Variants in UTRN observed in about 807,000 individuals in gnomAD.
UTRN encodes dystrophin-related protein 1.
UTRN carries 283 observed loss-of-function variants against 463.9 expected under a neutral mutation model. The observed-to-expected ratio is 0.61, with a 90% CI of 0.55 to 0.67. The LOEUF (loss-of-function observed/expected upper bound fraction) is 0.67. Ranked by LOEUF, UTRN falls within the 30% of genes least tolerant of loss-of-function variation. The pLI is 0.00. For synonymous variants in UTRN, 1,442 were observed against 1,431.5 expected (o/e 1.01, Z -0.17); for missense variants, 3,922 against 4,084.3 (o/e 0.96, Z 1.08).
chr6:144,522,607 G>A (rs553827560), intron 40 of UTRN, among the ~76,000 whole-genome samples: 1 of 152,192 alleles, frequency 6.6e-6, no homozygotes, highest in East Asian at 1.9e-4. Context: ...TAACTTGATT[G>A]CATTTATATG....
intron 58 of UTRN, among the ~76,000 whole-genome samples, chr6:144,770,729 A>G (rs1483357656): frequency 3.3e-5 from 5 of 152,250 alleles, no homozygotes; most frequent in Non-Finnish European, 7.3e-5. Flanking sequence ...GAGAAAGTAT[A>G]AAACTTGCTT....
At chr6:144,505,293 C>T (rs1367398559) in intron 34 of UTRN, among the ~76,000 whole-genome samples, 1 of 152,092 alleles carries the variant, frequency 6.6e-6, no homozygotes, top group Non-Finnish European at 1.5e-5. Flanking sequence ...TTATTTCTGT[C>T]TTCTGCTAGC....
intron 51 of UTRN, among the ~76,000 whole-genome samples, chr6:144,579,308 C>CTCTAAGTGTGGA (rs1336357511): frequency 2.6e-5 from 4 of 152,064 alleles, no homozygotes; most frequent in Non-Finnish European, 4.4e-5. Context: ...TGGATAGATG[C>CTCTAAGTGTGGA]TAGATTATTT....
intron 51 of UTRN, among the ~76,000 whole-genome samples, chr6:144,626,252 A>T (rs1328355737): frequency 6.6e-6 from 1 of 152,226 alleles, no homozygotes; most frequent in Non-Finnish European, 1.5e-5. Flanking sequence ...TTCAACAAAC[A>T]TCTGAAAAAC....
intron 25 of UTRN, among the ~76,000 whole-genome samples, chr6:144,477,603 A>G (rs1370408174): frequency 6.6e-6 from 1 of 151,932 alleles, no homozygotes; most frequent in Non-Finnish European, 1.5e-5. Context: ...CAGTAAGTTG[A>G]AAACATCATG....
At position 144,783,250 on chromosome 6, in the gene UTRN, A is replaced by G. The variant is rs902490020; in HGVS notation, c.8834+1127A>G. The stretch of plus-strand genomic sequence containing the variant: ...CTGTTGTTTTGCCTCTCATGCCCAA[A>G]AAGTTATTATCTATTAATTAGCTAC... On this transcript the variant is annotated intron_variant, in intron 61 of 74. Transcript: ENST00000367545. 4.6e-5 allele frequency among the ~76,000 whole-genome samples: 7 copies of G among 152,090 alleles called. No homozygotes were observed. The South Asian group carries it at 6.2e-4, about 14-fold the overall frequency.
At chr6:144,618,318 T>C (rs1806354445) in intron 51 of UTRN, among the ~76,000 whole-genome samples, 1 of 152,166 alleles carries the variant, frequency 6.6e-6, no homozygotes. Flanking sequence ...AGTTTAAATA[T>C]TATATTTACT....
chr6:144,494,964 T>C (rs187649784), intron 33 of UTRN, among the ~76,000 whole-genome samples: 865 of 152,250 alleles, frequency 5.7e-3, no homozygotes, highest in Middle Eastern at 0.024. Flanking sequence ...CACAGGGTGC[T>C]GATTGGTGTG....
intron 51 of UTRN, among the ~76,000 whole-genome samples, chr6:144,639,914 A>G (rs1297611709): frequency 6.6e-6 from 1 of 152,034 alleles, no homozygotes; most frequent in Non-Finnish European, 1.5e-5. Flanking sequence ...TCTTGGCCAC[A>G]GGGCCATGAG....
intron 51 of UTRN, among the ~76,000 whole-genome samples, chr6:144,635,576 G>A (rs528325247): frequency 4.0e-3 from 216 of 54,494 alleles, no homozygotes; most frequent in Middle Eastern, 0.032. Context: ...GTCTTACTTT[G>A]TTACCCAGGC....
At chr6:144,507,507 C>T (rs1425891672) in intron 34 of UTRN, among the ~76,000 whole-genome samples, 2 of 151,946 alleles carry the variant, frequency 1.3e-5, no homozygotes, top group Non-Finnish European at 2.9e-5. Flanking sequence ...GTTAGTTTTC[C>T]TTCTAACAGG....
chr6:144,294,747 T>A (rs1167176267), intron 2 of UTRN, among the ~76,000 whole-genome samples: 1 of 152,102 alleles, frequency 6.6e-6, no homozygotes, highest in Non-Finnish European at 1.5e-5. Flanking sequence ...ATTATTTTTA[T>A]TGTCCTCACT....
Position 144,492,816 on chromosome 6 carries a change from CA to C in UTRN, c.4438-484del, listed in dbSNP as rs531517326. ...ATATATCGAGTTTTGTATTTTTTAT[CA>C]TACAAATTATATATGTTCATTGTGG... On this transcript the variant is annotated intron_variant, in intron 32 of 74. Transcript: ENST00000367545. Among the ~76,000 whole-genome samples, 55 of 152,202 alleles carry C rather than the reference CA, an allele frequency of 3.6e-4. No homozygotes were observed. In the South Asian group the frequency reaches 0.011, roughly 29 times the overall value.
At chr6:144,453,113 A>C (rs763761109) in intron 18 of UTRN, among the ~76,000 whole-genome samples, 1 of 151,980 alleles carries the variant, frequency 6.6e-6, no homozygotes, top group African/African-American at 2.4e-5. Flanking sequence ...AAATATTTCT[A>C]TCCATTTTTT....
Position 144,550,202 on chromosome 6 carries a change from A to G in UTRN, c.6811-763A>G, listed in dbSNP as rs560077943. On this transcript the variant is annotated intron_variant, in intron 47 of 74. Transcript: ENST00000367545. Reference sequence around the variant, plus strand: ...AAGGAAGTGATCAGTATTCATTACCATGTGCCCTGGGATTTAGGATTGAAA... The same window carrying G: ...AAGGAAGTGATCAGTATTCATTACCGTGTGCCCTGGGATTTAGGATTGAAA... 1.1e-3 allele frequency among the ~76,000 whole-genome samples: 161 copies of G among 152,292 alleles called. 1 individual carries two copies. Among genetic ancestry groups the G allele is most frequent in the Non-Finnish European group, 3.2e-4 (22 of 68,020 alleles).
chr6:144,350,053 A>G (rs1777976314), intron 2 of UTRN, among the ~76,000 whole-genome samples: 1 of 152,234 alleles, frequency 6.6e-6, no homozygotes, highest in African/African-American at 2.4e-5. Context: ...GTCTAGGACT[A>G]AAGGAACACA....
At chr6:144,456,114 A>T (rs1788787116) in intron 19 of UTRN, among the ~76,000 whole-genome samples, 1 of 152,134 alleles carries the variant, frequency 6.6e-6, no homozygotes, top group African/African-American at 2.4e-5. Context: ...AATTTTTTTT[A>T]GGACAACAGT....
At chr6:144,582,731 A>T (rs1429476171) in intron 51 of UTRN, among the ~76,000 whole-genome samples, 1 of 152,230 alleles carries the variant, frequency 6.6e-6, no homozygotes, top group Non-Finnish European at 1.5e-5. Context: ...AGGCAGGCAG[A>T]TGAGAATCCA....
intron 73 of UTRN, among the ~76,000 whole-genome samples, chr6:144,845,211 G>A (rs1370913849): frequency 2.6e-5 from 4 of 152,150 alleles, no homozygotes; most frequent in Non-Finnish European, 5.9e-5. Context: ...TAAGGAAAGG[G>A]GTTTAAATGT....
Sources: allele counts gnomAD v4.1 joint callset (sites outside exome capture counted in the v4.1 genomes callset), GRCh38; gene constraint gnomAD v4.1.1; transcripts MANE v1.5; gene names NCBI Gene and HGNC (gene_info 2026-07-23, HGNC 2026-07-21).